The following BRSK1 variants were observed in gnomAD, a reference collection of about 807,000 sequenced individuals.
The protein encoded by BRSK1 is serine/threonine-protein kinase BRSK1.
A neutral mutation model predicts 86.2 loss-of-function variants in BRSK1; 17 were observed. The observed-to-expected ratio is 0.20, with a 90% confidence interval of 0.14 to 0.30. BRSK1 has a LOEUF of 0.30. BRSK1 is among the 10% of genes least tolerant of loss of function. BRSK1 has a pLI of 1.00. For missense variants in BRSK1, 719 were observed against 1,071.9 expected (o/e 0.67, Z 4.60); for synonymous variants, 464 against 440.1 (o/e 1.05, Z -0.68).
rs73605125 is a variant in BRSK1 at position 55,302,046 on chromosome 19, A to G, written c.826-91A>G. On this transcript the variant is annotated intron_variant, in intron 8 of 18. Coordinates refer to ENST00000309383, the MANE Select transcript of BRSK1 (RefSeq NM_032430.2). This position sits in a 1 kb window ranked among gnomAD's most constrained non-coding sequence, Gnocchi z 6.3. ...CGGTGGGGTGGGCGGGGAGATGATC[A>G]GGGACCCCAAAACCACCCCAGTCTT... 0.017 allele frequency: 24,094 copies of G among 1,441,820 alleles called. 3,102 individuals are homozygous for G. The African/African-American group carries it at 0.29, about 17-fold the overall frequency. 89.3% of individuals were successfully genotyped at this position (1,441,820 alleles called of 1,614,324 possible).
intron 8 of BRSK1, chr19:55,301,931 C>A: frequency 1.3e-6 from 1 of 794,498 alleles, no homozygotes; most frequent in Non-Finnish European, 2.1e-6. Context: ...CAAAGTAATG[C>A]GGCCGGTCCG....
chr19:55,305,308 T>C lies in BRSK1; in HGVS notation c.1718-13T>C. The C allele has an allele frequency of 6.2e-7, 1 of 1,613,568 alleles. No homozygotes were observed. The highest frequency in any genetic ancestry group is 8.5e-7 in the Non-Finnish European group (1 of 1,179,978). ...ACAGGTGTTGACCACGTTCTCTGCC[T>C]TCCCCCTACCAGTCCCTACCGCTGA... On this transcript the variant is annotated splice_polypyrimidine_tract_variant and intron_variant, in intron 14 of 18. Coordinates refer to ENST00000309383, the MANE Select transcript of BRSK1 (RefSeq NM_032430.2).
At chr19:55,308,074 G>A (rs2122997198) in intron 17 of BRSK1, among the ~76,000 whole-genome samples, 1 of 148,542 alleles carries the variant, frequency 6.7e-6, no homozygotes, top group African/African-American at 2.5e-5. Flanking sequence ...AGGCTGGAGT[G>A]CAATGGCGTG....
At chr19:55,285,860 A>G (rs1451532557) in intron 1 of BRSK1, among the ~76,000 whole-genome samples, 1 of 152,050 alleles carries the variant, frequency 6.6e-6, no homozygotes, top group Non-Finnish European at 1.5e-5. Context: ...GAGAGGGTCA[A>G]AGTCCCAGAT....
chr19:55,305,434 C>A lies in BRSK1; in HGVS notation c.1767-29C>A, dbSNP rs770940448. 2.0e-5 allele frequency: 32 copies of A among 1,614,008 alleles called. No individual in the cohort carries two copies. In the South Asian group the frequency reaches 3.5e-4, roughly 18 times the overall value. ...ATTCATGCCCTCGGCGCCTTCCTAA[C>A]CCTCCTCCAACCACCCCCTCCCACT... is the stretch of plus-strand genomic sequence containing the variant. On this transcript the variant is annotated intron_variant, in intron 15 of 18. Transcript: ENST00000309383.
chr19:55,312,097 C>T lies in BRSK1; in HGVS notation c.*29C>T, dbSNP rs531608461. The T allele has an allele frequency of 4.7e-6, 5 of 1,060,730 alleles. No homozygotes were observed. The highest frequency in any genetic ancestry group is 6.6e-5 in the Admixed American group (2 of 30,444). The allele number at this position is 1,060,730 out of a possible 1,614,324, so 65.7% of individuals were successfully genotyped here. ...CACGGGGCCGGGGAGGGAGGGGACC[C>T]CCCTCCACCCCCCTTCCGTGCCCCC... On this transcript the variant is annotated 3_prime_UTR_variant, in exon 19 of 19. Coordinates refer to ENST00000309383, the MANE Select transcript of BRSK1 (RefSeq NM_032430.2).
At chr19:55,292,192 T>C (rs943904782) in intron 4 of BRSK1, among the ~76,000 whole-genome samples, 3 of 152,176 alleles carry the variant, frequency 2.0e-5, no homozygotes, top group Non-Finnish European at 4.4e-5. Flanking sequence ...AAATGAAAAC[T>C]GCAGAATCCT....
At position 55,304,069 on chromosome 19, in the gene BRSK1, G is replaced by A. The variant is rs1436897392; in HGVS notation, c.1306G>A (p.Ala436Thr). ...HSQRSRSVSG[A>T]STGLSSSPLS... is the part of the protein sequence containing the mutation. ...AAACAGATCCCGTAGCGTCAGTGGAGCCTCCACGGGTCTGTCCTCCAGCCC... is the reference window on the plus strand; with the variant it reads ...AAACAGATCCCGTAGCGTCAGTGGAACCTCCACGGGTCTGTCCTCCAGCCC... Residue 436 changes from alanine to threonine, a missense_variant, in exon 13 of 19, where the codon GCC becomes ACC. Transcript: ENST00000309383. The surrounding 1 kb of genome is among the most constrained non-coding windows in gnomAD (Gnocchi z 5.2). 1.9e-6 allele frequency: 3 copies of A among 1,612,226 alleles called. No individual in the cohort carries two copies. Among genetic ancestry groups the A allele is most frequent in the South Asian group, 2.2e-5 (2 of 90,812 alleles).
intron 4 of BRSK1, among the ~76,000 whole-genome samples, chr19:55,293,769 C>T (rs2088443812): frequency 6.6e-6 from 1 of 152,160 alleles, no homozygotes; most frequent in Admixed American, 6.5e-5. Context: ...GAGATCATGC[C>T]ACTGCACTCC....
At chr19:55,301,211 C>T (rs1179312234) in intron 7 of BRSK1, among the ~76,000 whole-genome samples, 6 of 152,352 alleles carry the variant, frequency 3.9e-5, no homozygotes, top group Middle Eastern at 3.4e-3. Context: ...GTAACGGATG[C>T]TCACCTTTTG....
At chr19:55,295,336 C>G (rs931390429) in intron 7 of BRSK1, among the ~76,000 whole-genome samples, 1 of 152,026 alleles carries the variant, frequency 6.6e-6, no homozygotes, top group Non-Finnish European at 1.5e-5. Flanking sequence ...TTTCCCTGGT[C>G]GGTCTCAAAC....
rs1441130375 is a variant in BRSK1, at chr19:55,310,913, G to C, written c.2180-998G>C. On this transcript the variant is annotated intron_variant, in intron 18 of 18. Coordinates refer to ENST00000309383, the MANE Select transcript of BRSK1 (RefSeq NM_032430.2). The surrounding 1 kb of genome is among the most constrained non-coding windows in gnomAD (Gnocchi z 5.0). Reference sequence around the variant, plus strand: ...ATCTCATAAAGGAGAATGGGGTGGGGGGTGCAGGCCTCCGAGTCACCGTGG... The same window carrying C: ...ATCTCATAAAGGAGAATGGGGTGGGCGGTGCAGGCCTCCGAGTCACCGTGG... Among the ~76,000 whole-genome samples the C allele has an allele frequency of 6.6e-6, 1 of 152,104 alleles. No individual in the cohort carries two copies. The highest frequency in any genetic ancestry group is 1.5e-5 in the Non-Finnish European group (1 of 68,012).
At position 55,294,502 on chromosome 19, in the gene BRSK1, A is replaced by T; in HGVS notation, c.678+105A>T. 1 of 1,328,480 alleles carries T rather than the reference A, an allele frequency of 7.5e-7. No individual in the cohort carries two copies. Among genetic ancestry groups the T allele is most frequent in the Non-Finnish European group, 1.0e-6 (1 of 966,900 alleles). The allele number at this position is 1,328,480 out of a possible 1,614,324, so 82.3% of individuals were successfully genotyped here. On this transcript the variant is annotated intron_variant, in intron 7 of 18. Coordinates refer to ENST00000309383, the MANE Select transcript of BRSK1 (RefSeq NM_032430.2). The surrounding 1 kb of genome is among the most constrained non-coding windows in gnomAD (Gnocchi z 4.9). ...GGTCATCTCCTGAATTTATTTATGA[A>T]TTTTATTTATTTATTTTGAGACAGA...
chr19:55,303,681 C>G lies in BRSK1; in HGVS notation c.1141C>G (p.Arg381Gly). 1 of 1,606,508 alleles carries G rather than the reference C, an allele frequency of 6.2e-7. No individual in the cohort carries two copies. Among genetic ancestry groups the G allele is most frequent in the Non-Finnish European group, 8.5e-7 (1 of 1,175,840 alleles). The change falls in exon 12 of 19, where the codon CGT becomes GGT. Residue 381 changes from arginine (R) to glycine (G), a missense_variant. Arg to Gly is a moderately radical substitution (Grantham distance 125, BLOSUM62 -2). Coordinates refer to ENST00000309383, the MANE Select transcript of BRSK1 (RefSeq NM_032430.2). This position sits in a 1 kb window ranked among gnomAD's most constrained non-coding sequence, Gnocchi z 5.1. ...PRNDVDPPRK[R>G]VDSPMLSRHG... Reference sequence around the variant, plus strand: ...TTGTCCCTCAGACCCCCCCCGGAAGCGTGTGGATTCTCCCATGCTGAGCCG... The same window carrying G: ...TTGTCCCTCAGACCCCCCCCGGAAGGGTGTGGATTCTCCCATGCTGAGCCG...
rs147671102 is a variant in BRSK1, at chr19:55,294,451, G to A, written c.678+54G>A. 9.1e-5 allele frequency: 140 copies of A among 1,542,984 alleles called. No homozygotes were observed. The highest frequency in any genetic ancestry group is 2.9e-4 in the Admixed American group (17 of 58,066). On this transcript the variant is annotated intron_variant, in intron 7 of 18. Transcript: ENST00000309383. This position sits in a 1 kb window ranked among gnomAD's most constrained non-coding sequence, Gnocchi z 4.9. ...TCTAGATCAATCCCACCTGGTGGGAGCATAGGACAGTACCTTCCATCCTCA... is the reference window on the plus strand; with the variant it reads ...TCTAGATCAATCCCACCTGGTGGGAACATAGGACAGTACCTTCCATCCTCA...
At chr19:55,297,504 C>A (rs1166892498) in intron 7 of BRSK1, among the ~76,000 whole-genome samples, 2 of 152,226 alleles carry the variant, frequency 1.3e-5, no homozygotes, top group Non-Finnish European at 2.9e-5. Flanking sequence ...AGTCCTTGGT[C>A]TCTTAACCAC....
chr19:55,302,634 C>A lies in BRSK1; in HGVS notation c.858-63C>A. 1.3e-6 allele frequency: 2 copies of A among 1,554,434 alleles called. No homozygotes were observed. Among genetic ancestry groups the A allele is most frequent in the Non-Finnish European group, 1.7e-6 (2 of 1,145,084 alleles). On this transcript the variant is annotated intron_variant, in intron 9 of 18. Coordinates refer to ENST00000309383, the MANE Select transcript of BRSK1 (RefSeq NM_032430.2). The surrounding 1 kb of genome is among the most constrained non-coding windows in gnomAD (Gnocchi z 6.3). Reference sequence around the variant, plus strand: ...ATTTCGGGGTCCGGGATCATTGAGTCTAGAATGAAGAATGCTGAATCTCAG... The same window carrying A: ...ATTTCGGGGTCCGGGATCATTGAGTATAGAATGAAGAATGCTGAATCTCAG...
chr19:55,290,354 G>C (rs1247727889), intron 4 of BRSK1, among the ~76,000 whole-genome samples: 1 of 151,872 alleles, frequency 6.6e-6, no homozygotes, highest in Non-Finnish European at 1.5e-5. Flanking sequence ...TTTTATTATT[G>C]ATTTGTAACA....
rs2088327584 is a variant in BRSK1, at chr19:55,287,026, C to T, written c.156C>T (p.Val52=). ...KGQTGLVKLG[V]HCITGQKVAI... is the part of the protein sequence containing the mutation. ...CTGCAGGGCTGGTTAAACTCGGGGTCCACTGCATCACGGGTCAGAAGGTCG... is the reference window on the plus strand; with the variant it reads ...CTGCAGGGCTGGTTAAACTCGGGGTTCACTGCATCACGGGTCAGAAGGTCG... Residue 52 remains valine, a synonymous_variant, in exon 2 of 19, where the codon GTC becomes GTT. Coordinates refer to ENST00000309383, the MANE Select transcript of BRSK1 (RefSeq NM_032430.2). This position sits in a 1 kb window ranked among gnomAD's most constrained non-coding sequence, Gnocchi z 5.3. The T allele has an allele frequency of 1.2e-6, 2 of 1,613,874 alleles. No homozygotes were observed. The highest frequency in any genetic ancestry group is 2.7e-5 in the African/African-American group (2 of 74,854).
Sources: gnomAD v4.1 joint callset for allele counts (sites outside exome capture counted in the v4.1 genomes callset) on GRCh38, gnomAD v4.1.1 for gene constraint, Gnocchi (gnomAD v3.1) non-coding constraint, MANE v1.5 for transcripts, NCBI Gene and HGNC (gene_info 2026-07-23, HGNC 2026-07-21) for gene names.